The following TRIM67 variants were observed in gnomAD, a reference collection of about 807,000 sequenced individuals.
The protein encoded by TRIM67 is tripartite motif-containing protein 67.
A neutral mutation model predicts 71.0 loss-of-function variants in TRIM67; 39 were observed. The observed-to-expected ratio is 0.55, with a 90% CI of 0.43 to 0.72. The LOEUF (loss-of-function observed/expected upper bound fraction) is 0.72, where lower values mean the gene tolerates loss of function less well. Among genes scored for constraint, TRIM67 ranks in the 30% least tolerant of loss-of-function variants. TRIM67 has a pLI of 0.00. For missense variants in TRIM67, 973 were observed against 1,079.2 expected, an observed-to-expected ratio of 0.90 and a Z score of 1.38; for synonymous variants, 481 against 473.9, an observed-to-expected ratio of 1.01 and a Z score of -0.19.
chr1:231,215,599 G>T lies in TRIM67; in HGVS notation c.*159G>T. 7.1e-7 allele frequency: 1 copy of T among 1,413,148 alleles called. No homozygotes were observed. Among genetic ancestry groups the T allele is most frequent in the Non-Finnish European group, 9.3e-7 (1 of 1,080,394 alleles). The allele number at this position is 1,413,148 out of a possible 1,614,324, so 87.5% of individuals were successfully genotyped here. A position where few individuals can be genotyped will look rare whatever the true frequency, so the allele number is the denominator to read the frequency against. ...CATAGAAACACATTTTCTTGGGGAC[G>T]CAGGGAATGGGTCCACGGGCCATGC... On this transcript the variant is annotated 3_prime_UTR_variant, in exon 10 of 10. Coordinates refer to ENST00000366653, the MANE Select transcript of TRIM67 (RefSeq NM_001004342.5).
rs1182572938 is a variant in TRIM67, at chr1:231,220,565, T to C, written c.*5125T>C. 6.6e-6 allele frequency: 1 copy of C among 152,430 alleles called. No homozygotes were observed. Among genetic ancestry groups the C allele is most frequent in the African/African-American group, 2.4e-5 (1 of 41,472 alleles). 9.4% of individuals were successfully genotyped at this position (152,430 alleles called of 1,614,324 possible). On this transcript the variant is annotated 3_prime_UTR_variant, in exon 10 of 10. Coordinates refer to ENST00000366653, the MANE Select transcript of TRIM67 (RefSeq NM_001004342.5). ...GAATGGGTTTGAAATCCAGTGTGGA[T>C]AGCACGAAGAGATGCAACTGAGCCG...
At position 231,163,253 on chromosome 1, in the gene TRIM67, G is replaced by A; in HGVS notation, c.284G>A (p.Gly95Asp). The stretch of plus-strand genomic sequence containing the variant: ...GGCCTCGGCGGCGGTGCGGGAGGTG[G>A]CGGAGACCACGCGGACAAGCTCAGC... ...AGGLGGGAGGGGDHADKLSLY... is the reference protein window; with the variant it reads ...AGGLGGGAGGDGDHADKLSLY... The change falls in exon 1 of 10, where the codon GGC becomes GAC. Residue 95 changes from glycine (G) to aspartate (D), a missense_variant. Around this residue, in one of 2 missense-constraint regions of TRIM67, gnomAD observed 795 missense variants for 831.3 expected, o/e 0.96. Transcript: ENST00000366653. 2 of 1,512,000 alleles carry A rather than the reference G, an allele frequency of 1.3e-6. No homozygotes were observed. Among genetic ancestry groups the A allele is most frequent in the Non-Finnish European group, 1.8e-6 (2 of 1,129,964 alleles). 93.7% of individuals were successfully genotyped at this position (1,512,000 alleles called of 1,614,324 possible). A position where few individuals can be genotyped will look rare whatever the true frequency, so the allele number is the denominator to read the frequency against.
intron 2 of TRIM67, among the ~76,000 whole-genome samples, chr1:231,198,281 A>T (rs1158586821): frequency 6.6e-6 from 1 of 152,214 alleles, no homozygotes; most frequent in Non-Finnish European, 1.5e-5. Flanking sequence ...GGGTCTGTCT[A>T]TAGGGGAGAA....
chr1:231,187,542 G>C (rs899409305), intron 1 of TRIM67: 1 of 1,532,554 alleles, frequency 6.5e-7, no homozygotes, highest in African/African-American at 1.4e-5. Context: ...CAGATAAAAA[G>C]GTGAGAGAAA....
intron 7 of TRIM67, among the ~76,000 whole-genome samples, chr1:231,207,453 CAG>C (rs768847788): frequency 2.6e-5 from 4 of 152,212 alleles, no homozygotes; most frequent in Non-Finnish European, 5.9e-5. Flanking sequence ...GAGTTCTTAG[CAG>C]AGAGCAATGA....
intron 1 of TRIM67, among the ~76,000 whole-genome samples, chr1:231,180,471 C>T (rs574131016): frequency 1.3e-5 from 2 of 152,048 alleles, no homozygotes; most frequent in Non-Finnish European, 2.9e-5. Flanking sequence ...TCATTCTTAC[C>T]TCCCTCCCAG....
intron 1 of TRIM67, among the ~76,000 whole-genome samples, chr1:231,196,248 C>T (rs896971340): frequency 6.6e-6 from 1 of 152,116 alleles, no homozygotes; most frequent in Non-Finnish European, 1.5e-5. Flanking sequence ...GACCCTGGCC[C>T]TTCTGACTCT....
At chr1:231,194,186 C>G (rs1683308447) in intron 1 of TRIM67, among the ~76,000 whole-genome samples, 1 of 152,214 alleles carries the variant, frequency 6.6e-6, no homozygotes, top group South Asian at 2.1e-4. Flanking sequence ...AGCCACAGCC[C>G]CAGGGGGCCC....
Position 231,217,632 on chromosome 1 carries a change from G to A in TRIM67, c.*2192G>A. ...CACCCTGCCCCCAGAATGAGAGTGG[G>A]CTAGGCAGGGCTGCCTGGTGACAGC... On this transcript the variant is annotated 3_prime_UTR_variant, in exon 10 of 10. Transcript: ENST00000366653. 1 of 1,142,780 alleles carries A rather than the reference G, an allele frequency of 8.8e-7. No individual in the cohort carries two copies. The highest frequency in any genetic ancestry group is 1.9e-5 in the South Asian group (1 of 52,524). 70.8% of individuals were successfully genotyped at this position (1,142,780 alleles called of 1,614,324 possible). A position where few individuals can be genotyped will look rare whatever the true frequency, so the allele number is the denominator to read the frequency against.
Position 231,219,932 on chromosome 1 carries a change from T to C in TRIM67, c.*4492T>C. 1 of 1,289,866 alleles carries C rather than the reference T, an allele frequency of 7.8e-7. No individual in the cohort carries two copies. The allele number at this position is 1,289,866 out of a possible 1,614,324, so 79.9% of individuals were successfully genotyped here. A position where few individuals can be genotyped will look rare whatever the true frequency, so the allele number is the denominator to read the frequency against. ...ATTGATCAGACACCAAGTTCAGCCC[T>C]CGGTTACTTCCCTCTTTTAACCTGG... On this transcript the variant is annotated 3_prime_UTR_variant, in exon 10 of 10. Coordinates refer to ENST00000366653, the MANE Select transcript of TRIM67 (RefSeq NM_001004342.5).
intron 9 of TRIM67, 107 bp downstream of exon 9, chr1:231,214,084 A>T: frequency 1.5e-6 from 2 of 1,316,718 alleles, no homozygotes; most frequent in Non-Finnish European, 2.0e-6. Context: ...CTGACCACAG[A>T]GCCTTCCCAG....
intron 1 of TRIM67, chr1:231,187,639 G>T: frequency 1.5e-6 from 2 of 1,345,552 alleles, no homozygotes; most frequent in Non-Finnish European, 2.0e-6. Context: ...TTTAATACAC[G>T]CCCCATCTCT....
At chr1:231,192,622 T>G (rs1443917437) in intron 1 of TRIM67, among the ~76,000 whole-genome samples, 1 of 152,244 alleles carries the variant, frequency 6.6e-6, no homozygotes, top group Non-Finnish European at 1.5e-5. Context: ...CACAAAGGAC[T>G]GGGTTGAAGA....
chr1:231,188,385 T>C (rs1221519755), intron 1 of TRIM67, among the ~76,000 whole-genome samples: 1 of 152,158 alleles, frequency 6.6e-6, no homozygotes, highest in Non-Finnish European at 1.5e-5. Flanking sequence ...TTGGGTCTGA[T>C]GAAACCATCA....
chr1:231,203,987 A>T lies in TRIM67; in HGVS notation c.1655A>T (p.Asp552Val), dbSNP rs1268995163. The change falls in exon 6 of 10, where the codon GAC (aspartate) becomes GTC (valine). Residue 552 changes from aspartate to valine, a missense_variant. Coordinates refer to ENST00000366653, the MANE Select transcript of TRIM67 (RefSeq NM_001004342.5). ...GTGGACGGCTACATCCTGGAGCTGG[A>T]CGACGGTGCCGGGGGACAGTTCCGG... Reference protein sequence around the residue: ...SPVDGYILELDDGAGGQFREV... With the variant: ...SPVDGYILELVDGAGGQFREV... 6.2e-7 allele frequency: 1 copy of T among 1,613,972 alleles called. No homozygotes were observed. The highest frequency in any genetic ancestry group is 1.7e-5 in the Admixed American group (1 of 60,026).
chr1:231,203,762 G>A, intron 5 of TRIM67, 105 bp from the exon 6 acceptor site: 2 of 1,429,492 alleles, frequency 1.4e-6, no homozygotes, highest in Non-Finnish European at 1.9e-6. Flanking sequence ...AATTTAGCCT[G>A]GCTGTCCTCT....
chr1:231,213,939 G>T lies in TRIM67; in HGVS notation c.2248G>T (p.Val750Phe). 1 of 1,613,474 alleles carries T rather than the reference G, an allele frequency of 6.2e-7. No homozygotes were observed. The highest frequency in any genetic ancestry group is 8.5e-7 in the Non-Finnish European group (1 of 1,179,596). Residue 750 changes from valine (V) to phenylalanine (F), a missense_variant, in exon 9 of 10, where the codon GTC becomes TTC. Physicochemically the swap from Val to Phe is conservative, Grantham distance 50. This residue lies in a region of TRIM67 where 178 missense variants were observed against 247.9 expected (regional missense o/e 0.72). Transcript: ENST00000366653. The stretch of plus-strand genomic sequence containing the variant: ...CACAGCCTTCAGCCACGTGGACGGG[G>T]TCTTCATGCCAGCCCTCAGCCTCAA... ...GPTAFSHVDG[V>F]FMPALSLNRN...
chr1:231,218,825 AAG>A lies in TRIM67; in HGVS notation c.*3390_*3391del. On this transcript the variant is annotated 3_prime_UTR_variant, in exon 10 of 10. Transcript: ENST00000366653. ...CTGGGCAGGCTCTGTGGAGCTCACC[AAG>A]AGAGCTGGGGGCAGGCCCACCCTCC... The A allele has an allele frequency of 2.0e-6, 2 of 985,354 alleles. No homozygotes were observed. Among genetic ancestry groups the A allele is most frequent in the Non-Finnish European group, 2.4e-6 (2 of 829,902 alleles). The allele number at this position is 985,354 out of a possible 1,614,324, so 61.0% of individuals were successfully genotyped here.
chr1:231,191,121 T>G (rs1335117879), intron 1 of TRIM67, among the ~76,000 whole-genome samples: 2 of 152,168 alleles, frequency 1.3e-5, no homozygotes, highest in Non-Finnish European at 2.9e-5. Context: ...TGGAGTGCAG[T>G]GGTACAATCA....
Sources: allele counts gnomAD v4.1 joint callset (sites outside exome capture counted in the v4.1 genomes callset), GRCh38; gene constraint gnomAD v4.1.1; regional missense constraint gnomAD v4.1.1; transcripts MANE v1.5; gene names NCBI Gene and HGNC (gene_info 2026-07-23, HGNC 2026-07-21).